NCAPH2: variants seen among roughly 807,000 people sequenced by gnomAD.
The protein encoded by NCAPH2 is non-SMC condensin II complex subunit H2.
Under a neutral mutation model 88.6 loss-of-function variants are expected in NCAPH2, and 56 were observed. That is an observed-to-expected ratio of 0.63 (90% CI 0.51 to 0.79). The LOEUF (loss-of-function observed/expected upper bound fraction) is 0.79, where lower values mean the gene tolerates loss of function less well. Ranked by LOEUF, NCAPH2 falls within the 30% of genes least tolerant of loss-of-function variation. The pLI is 0.00. For synonymous variants in NCAPH2, 378 were observed against 313.6 expected (o/e 1.21, Z -2.17); for missense variants, 794 against 792.0 (o/e 1.00, Z -0.03).
chr22:50,517,771 C>CGG lies in NCAPH2; in HGVS notation c.383_384dup (p.Thr129GlyfsTer54). The CGG allele has an allele frequency of 6.2e-7, 1 of 1,613,950 alleles. No homozygotes were observed. The highest frequency in any genetic ancestry group is 8.5e-7 in the Non-Finnish European group (1 of 1,180,030). On this transcript the variant is annotated frameshift_variant, in exon 5 of 20. Coordinates refer to ENST00000420993, the MANE Select transcript of NCAPH2 (RefSeq NM_152299.4). LOFTEE classifies it high-confidence loss of function. ...GTCGCTGGATGACTTCCCTGACTCC[C>CGG]GGACTAACGTGGATCTCAAGAATGA...
chr22:50,517,199 A>G (rs1023563264), intron 2 of NCAPH2, among the ~76,000 whole-genome samples: 1 of 152,236 alleles, frequency 6.6e-6, no homozygotes, highest in Non-Finnish European at 1.5e-5. Flanking sequence ...GGCTGCGTGG[A>G]CCATAGAGGG....
chr22:50,523,510 G>A lies in NCAPH2; in HGVS notation c.*135G>A, dbSNP rs2069180839. The stretch of plus-strand genomic sequence containing the variant: ...AAACCCTTTTATGTACACCTGCGCA[G>A]AGAAGAGGGCTGCCTGGCCTCCCTG... On this transcript the variant is annotated 3_prime_UTR_variant, in exon 20 of 20. Coordinates refer to ENST00000420993, the MANE Select transcript of NCAPH2 (RefSeq NM_152299.4). The A allele has an allele frequency of 1.3e-6, 2 of 1,551,280 alleles. No homozygotes were observed. Among genetic ancestry groups the A allele is most frequent in the Admixed American group, 1.9e-5 (1 of 52,008 alleles).
chr22:50,524,134 G>T lies in NCAPH2; in HGVS notation c.*759G>T. 4 of 1,612,200 alleles carry T rather than the reference G, an allele frequency of 2.5e-6. No homozygotes were observed. Among genetic ancestry groups the T allele is most frequent in the Non-Finnish European group, 3.4e-6 (4 of 1,180,012 alleles). ...CTGGCCCACAGCTGCCTGGCGCAGG[G>T]CTTCTGTTCGCTTTTGCTGCTGCAG... On this transcript the variant is annotated 3_prime_UTR_variant, in exon 20 of 20. Transcript: ENST00000420993.
Position 50,517,981 on chromosome 22 carries a change from C to T in NCAPH2, c.429C>T (p.Leu143=), listed in dbSNP as rs1351660673. ...CCTTGGCCTCCATGCAGGAGGTCCT[C>T]ATCATCCCCCTCCTGCCCATGGCCC... The part of the protein sequence containing the change: ...LKNDQTPSEV[L]IIPLLPMALV... The change falls in exon 6 of 20, where the codon CTC becomes CTT. Residue 143 remains leucine, a synonymous_variant. Coordinates refer to ENST00000420993, the MANE Select transcript of NCAPH2 (RefSeq NM_152299.4). 5 of 1,613,440 alleles carry T rather than the reference C, an allele frequency of 3.1e-6. No homozygotes were observed. The highest frequency in any genetic ancestry group is 1.1e-5 in the South Asian group (1 of 90,990).
intron 1 of NCAPH2, chr22:50,515,636 T>C: frequency 9.5e-7 from 1 of 1,048,046 alleles, no homozygotes; most frequent in Non-Finnish European, 1.3e-6. Context: ...GACCTCATGA[T>C]CTGCCCGCCT....
At chr22:50,521,442 T>C in intron 10 of NCAPH2, 101 bp from the exon 11 acceptor site, 1 of 1,247,564 alleles carries the variant, frequency 8.0e-7, no homozygotes, top group Non-Finnish European at 1.2e-6. Context: ...GTGTACCCCC[T>C]ACTCTTCCTT....
chr22:50,514,896 GC>G (rs2068874168), intron 1 of NCAPH2, among the ~76,000 whole-genome samples: 1 of 152,228 alleles, frequency 6.6e-6, no homozygotes, highest in Non-Finnish European at 1.5e-5. Context: ...CACGCGCCAT[GC>G]TTTGGCCATG....
chr22:50,521,572 C>G lies in NCAPH2; in HGVS notation c.963C>G (p.Asp321Glu). The G allele has an allele frequency of 6.2e-7, 1 of 1,613,644 alleles. No homozygotes were observed. The highest frequency in any genetic ancestry group is 8.5e-7 in the Non-Finnish European group (1 of 1,180,012). The change falls in exon 11 of 20, where the codon GAC (aspartate) becomes GAG (glutamate). Residue 321 changes from aspartate (D) to glutamate (E), a missense_variant. Asp to Glu is a conservative substitution (Grantham distance 45, BLOSUM62 2). Coordinates refer to ENST00000420993, the MANE Select transcript of NCAPH2 (RefSeq NM_152299.4). The stretch of plus-strand genomic sequence containing the variant: ...CTCCAGACCCCTGGCAGAGCCTGGA[C>G]CCCTTTGACTCCTTGGAGTCTAAGC... ...KETPDPWQSL[D>E]PFDSLESKPF...
In NCAPH2 at chr22:50,523,046, C is replaced by T. The variant is rs141344250; in HGVS notation, c.1557C>T (p.Thr519=). ...QEQHVPFDIH[T]YGDQLVSRFP... ...AGCATGTGCCCTTTGACATCCACAC[C>T]TATGGGGACCAGCTGGTCTCACGGT... The change falls in exon 19 of 20, where the codon ACC becomes ACT. Residue 519 remains threonine (T), a synonymous_variant. Coordinates refer to ENST00000420993, the MANE Select transcript of NCAPH2 (RefSeq NM_152299.4). 150 of 1,604,766 alleles carry T rather than the reference C, an allele frequency of 9.3e-5. No homozygotes were observed. In the East Asian group the frequency reaches 3.1e-3, roughly 33 times the overall value.
At chr22:50,510,942 G>A (rs1265638382) in intron 1 of NCAPH2, among the ~76,000 whole-genome samples, 1 of 151,450 alleles carries the variant, frequency 6.6e-6, no homozygotes, top group African/African-American at 2.4e-5. Context: ...TGCCTTCTGG[G>A]TTCACGCCAT....
At chr22:50,509,254 C>T (rs544536865) in intron 1 of NCAPH2, among the ~76,000 whole-genome samples, 7 of 152,276 alleles carry the variant, frequency 4.6e-5, no homozygotes, top group South Asian at 4.1e-4. Context: ...TGTATTAGGA[C>T]AACTACCAGA....
intron 1 of NCAPH2, among the ~76,000 whole-genome samples, chr22:50,509,121 C>T (rs1229856003): frequency 6.6e-6 from 1 of 152,100 alleles, no homozygotes; most frequent in Non-Finnish European, 1.5e-5. Context: ...TTCCCTATTT[C>T]ATTGCCTGAT....
chr22:50,513,254 A>T (rs755424516), intron 1 of NCAPH2, among the ~76,000 whole-genome samples: 3 of 151,652 alleles, frequency 2.0e-5, no homozygotes, highest in Non-Finnish European at 4.4e-5. Flanking sequence ...CGAGGTGGCT[A>T]ACGCCTGTGA....
At chr22:50,512,402 G>T (rs1424878998) in intron 1 of NCAPH2, among the ~76,000 whole-genome samples, 1 of 152,164 alleles carries the variant, frequency 6.6e-6, no homozygotes, top group Admixed American at 6.5e-5. Flanking sequence ...GGCTTGGTCA[G>T]CTCCCTTCCT....
intron 1 of NCAPH2, among the ~76,000 whole-genome samples, chr22:50,511,683 TG>T (rs1968788746): frequency 7.1e-6 from 1 of 140,130 alleles, no homozygotes; most frequent in Non-Finnish European, 1.5e-5. Context: ...TCTTGCCCTG[TG>T]GCCCAAGTTG....
intron 1 of NCAPH2, among the ~76,000 whole-genome samples, chr22:50,511,324 C>G (rs1242947683): frequency 7.5e-6 from 1 of 134,094 alleles, no homozygotes; most frequent in Non-Finnish European, 1.5e-5. Flanking sequence ...GAGTCTCACT[C>G]TGTCGCCCAG....
intron 9 of NCAPH2, among the ~76,000 whole-genome samples, chr22:50,520,149 C>T (rs1213007814): frequency 4.6e-5 from 7 of 152,142 alleles, no homozygotes; most frequent in East Asian, 3.9e-4. Context: ...GGATTACAGG[C>T]GTGAGCCACC....
chr22:50,518,666 G>C lies in NCAPH2; in HGVS notation c.664G>C (p.Glu222Gln), dbSNP rs1295353708. The change falls in exon 8 of 20, where the codon GAG (glutamate) becomes CAG (glutamine). Residue 222 changes from glutamate (E) to glutamine (Q), a missense_variant. Glu to Gln is a conservative substitution (Grantham distance 29, BLOSUM62 2). Coordinates refer to ENST00000420993, the MANE Select transcript of NCAPH2 (RefSeq NM_152299.4). ...TCTCCCAGACACCGGGAGGACTGAG[G>C]AGCAGCCAATGGAAGTTTCCGTGTG... is the stretch of plus-strand genomic sequence containing the variant. Reference protein sequence around the residue: ...GTQKDTGRTEEQPMEVSVCRS... With the variant: ...GTQKDTGRTEQQPMEVSVCRS... 6.2e-7 allele frequency: 1 copy of C among 1,608,474 alleles called. No individual in the cohort carries two copies. Among genetic ancestry groups the C allele is most frequent in the Admixed American group, 1.7e-5 (1 of 59,514 alleles).
At chr22:50,510,200 C>G (rs1041646893) in intron 1 of NCAPH2, among the ~76,000 whole-genome samples, 9 of 152,102 alleles carry the variant, frequency 5.9e-5, no homozygotes, top group African/African-American at 2.2e-4. Flanking sequence ...GGATTACAGG[C>G]GTGAGCCACC....
Sources: gnomAD v4.1 joint callset for allele counts (sites outside exome capture counted in the v4.1 genomes callset) on GRCh38, gnomAD v4.1.1 for gene constraint, MANE v1.5 for transcripts, NCBI Gene and HGNC (gene_info 2026-07-23, HGNC 2026-07-21) for gene names.